The following CDH23 variants were observed in gnomAD, a reference collection of about 807,000 sequenced individuals.
CDH23 encodes the protein cadherin related 23.
A neutral mutation model predicts 317.1 loss-of-function variants in CDH23; 189 were observed. That is an observed-to-expected ratio of 0.60 (90% CI 0.53 to 0.67). The LOEUF (loss-of-function observed/expected upper bound fraction) is 0.67. Ranked by LOEUF, CDH23 falls within the 30% of genes least tolerant of loss-of-function variation. CDH23 has a pLI of 0.00. For missense variants in CDH23, 4,401 were observed against 4,592.4 expected, an observed-to-expected ratio of 0.96 and a Z score of 1.20; for synonymous variants, 1,839 against 1,876.8, an observed-to-expected ratio of 0.98 and a Z score of 0.52.
chr10:71,718,292 C>T (rs1196378447), intron 28 of CDH23, among the ~76,000 whole-genome samples: 3 of 152,200 alleles, frequency 2.0e-5, no homozygotes, highest in African/African-American at 7.2e-5. Context: ...CACCAGCAGC[C>T]GCAGGACCTC....
intron 38 of CDH23, among the ~76,000 whole-genome samples, chr10:71,752,771 A>G (rs1333699969): frequency 1.3e-5 from 2 of 151,852 alleles, no homozygotes; most frequent in Non-Finnish European, 2.9e-5. Context: ...GACACATCTG[A>G]GCAGAATCAG....
At chr10:71,643,050 G>A (rs1423576158) in intron 11 of CDH23, among the ~76,000 whole-genome samples, 1 of 152,218 alleles carries the variant, frequency 6.6e-6, no homozygotes, top group East Asian at 1.9e-4. Flanking sequence ...TTAGAATAGT[G>A]CCTGACCAAG....
chr10:71,802,292 G>A (rs929007497), intron 53 of CDH23, among the ~76,000 whole-genome samples: 1 of 152,210 alleles, frequency 6.6e-6, no homozygotes, highest in Non-Finnish European at 1.5e-5. Context: ...TGGGCAACAA[G>A]AGCGAAACTC....
At chr10:71,497,179 C>T (rs1171941547) in intron 3 of CDH23, among the ~76,000 whole-genome samples, 1 of 152,186 alleles carries the variant, frequency 6.6e-6, no homozygotes, top group Non-Finnish European at 1.5e-5. Flanking sequence ...TCTTTGTGAG[C>T]CTTTAATGGC....
At chr10:71,479,342 G>A (rs1194524850) in intron 3 of CDH23, among the ~76,000 whole-genome samples, 1 of 152,182 alleles carries the variant, frequency 6.6e-6, no homozygotes, top group Non-Finnish European at 1.5e-5. Flanking sequence ...GGTTCCTCAG[G>A]GAACCCGCAG....
intron 11 of CDH23, among the ~76,000 whole-genome samples, chr10:71,640,537 C>T (rs1403724422): frequency 6.6e-6 from 1 of 152,164 alleles, no homozygotes; most frequent in East Asian, 1.9e-4. Context: ...ATCATGAGGT[C>T]AGGAAATCGA....
At chr10:71,688,427 T>C (rs373598112) in intron 19 of CDH23, among the ~76,000 whole-genome samples, 2 of 152,222 alleles carry the variant, frequency 1.3e-5, no homozygotes. Context: ...TTAGAGATGC[T>C]GGAGCCAGGG....
intron 6 of CDH23, among the ~76,000 whole-genome samples, chr10:71,528,278 T>TG (rs1053232835): frequency 5.3e-5 from 8 of 152,188 alleles, no homozygotes; most frequent in African/African-American, 1.7e-4. Flanking sequence ...TCTTGGGACT[T>TG]GGGTCTCGGT....
chr10:71,603,371 G>A (rs1008311385), intron 9 of CDH23, among the ~76,000 whole-genome samples: 1 of 152,130 alleles, frequency 6.6e-6, no homozygotes, highest in Non-Finnish European at 1.5e-5. Flanking sequence ...TGGCTTTATC[G>A]GGGCTGTAAA....
In CDH23 at chr10:71,504,159, T is replaced by C. The variant is rs915487033; in HGVS notation, c.146-5923T>C. ...CTGTTGCCTAACCGACCTCCAGAAC[T>C]CTTTTTCTGTTGAAAACTGAAACTG... On this transcript the variant is annotated intron_variant, in intron 3 of 69. Transcript: ENST00000224721. Among the ~76,000 whole-genome samples, 32 of 152,212 alleles carry C rather than the reference T, an allele frequency of 2.1e-4. 1 individual carries two copies. The highest frequency in any genetic ancestry group is 1.3e-4 in the Admixed American group (2 of 15,282).
intron 11 of CDH23, among the ~76,000 whole-genome samples, chr10:71,635,535 C>G (rs918863052): frequency 2.0e-5 from 3 of 152,080 alleles, no homozygotes; most frequent in African/African-American, 7.2e-5. Context: ...TCGGATTGAT[C>G]CCGTCTGTGC....
At chr10:71,694,712 C>T (rs1248081552) in intron 21 of CDH23, among the ~76,000 whole-genome samples, 1 of 152,054 alleles carries the variant, frequency 6.6e-6, no homozygotes, top group African/African-American at 2.4e-5. Flanking sequence ...AGGAACGAAA[C>T]GTGGGGGCCT....
intron 14 of CDH23, 54 bp from the exon 15 acceptor site, chr10:71,675,058 C>T: frequency 6.5e-7 from 1 of 1,528,448 alleles, no homozygotes; most frequent in South Asian, 1.1e-5. Context: ...TTCCTGTGGA[C>T]CTGAAGCCTC....
At chr10:71,713,033 G>C in intron 28 of CDH23, 1 of 733,704 alleles carries the variant, frequency 1.4e-6, no homozygotes, top group South Asian at 1.5e-5. Flanking sequence ...ATAGGGCTCT[G>C]GCTCCCCACA....
chr10:71,805,770 G>C, intron 55 of CDH23, 36 bp from the exon 56 acceptor site: 2 of 1,577,540 alleles, frequency 1.3e-6, no homozygotes, highest in Non-Finnish European at 1.7e-6. Flanking sequence ...GATTCTTTCA[G>C]GGGTCCAGGA....
At chr10:71,533,343 G>A (rs1855507874) in intron 6 of CDH23, among the ~76,000 whole-genome samples, 1 of 152,164 alleles carries the variant, frequency 6.6e-6, no homozygotes, top group Non-Finnish European at 1.5e-5. Flanking sequence ...GTTAGGCCAT[G>A]CCATGCTGTA....
intron 38 of CDH23, among the ~76,000 whole-genome samples, chr10:71,765,772 C>G (rs753067729): frequency 1.3e-5 from 2 of 152,090 alleles, no homozygotes; most frequent in African/African-American, 2.4e-5. Flanking sequence ...AGGAGTTGTT[C>G]CCCTTTTAGA....
At chr10:71,470,607 A>G (rs1214847468) in intron 3 of CDH23, among the ~76,000 whole-genome samples, 1 of 151,588 alleles carries the variant, frequency 6.6e-6, no homozygotes, top group African/African-American at 2.4e-5. Flanking sequence ...CTTCCATATC[A>G]GCCTCCTGAG....
rs1158807560 is a variant in CDH23 at position 71,396,977 on chromosome 10, C to T, written c.-347C>T. The stretch of plus-strand genomic sequence containing the variant: ...GAGAGAGGGACGCGGGCTGCAGGCG[C>T]GATGCTTGGCTAGAGGACGCGTCCG... On this transcript the variant is annotated 5_prime_UTR_variant, in exon 1 of 70. Coordinates refer to ENST00000224721, the MANE Select transcript of CDH23 (RefSeq NM_022124.6). This position sits in a 1 kb window ranked among gnomAD's most constrained non-coding sequence, Gnocchi z 4.2. The T allele has an allele frequency of 3.9e-5, 6 of 152,354 alleles. No homozygotes were observed. Among genetic ancestry groups the T allele is most frequent in the Admixed American group, 2.6e-4 (4 of 15,210 alleles). The allele number at this position is 152,354 out of a possible 1,614,324, so 9.4% of individuals were successfully genotyped here.
Sources: gnomAD v4.1 joint callset for allele counts (sites outside exome capture counted in the v4.1 genomes callset) on GRCh38, gnomAD v4.1.1 for gene constraint, Gnocchi (gnomAD v3.1) non-coding constraint, MANE v1.5 for transcripts, NCBI Gene and HGNC (gene_info 2026-07-23, HGNC 2026-07-21) for gene names.